Variants in PAK5 observed in about 807,000 individuals in gnomAD.
PAK5 encodes serine/threonine-protein kinase PAK 5.
PAK5 carries 16 observed loss-of-function variants against 65.9 expected under a neutral mutation model. The ratio of observed to expected loss-of-function variants is 0.24; its 90% CI spans 0.16 to 0.37. The LOEUF (loss-of-function observed/expected upper bound fraction) is 0.37. PAK5 is among the 10% of genes least tolerant of loss of function. The pLI is 1.00. For synonymous variants in PAK5, 371 were observed against 354.9 expected, an observed-to-expected ratio of 1.05 and a Z score of -0.51; for missense variants, 785 against 903.9, an observed-to-expected ratio of 0.87 and a Z score of 1.69.
intron 9 of PAK5, among the ~76,000 whole-genome samples, chr20:9,540,660 T>C (rs1179117153): frequency 6.6e-6 from 1 of 152,248 alleles, no homozygotes; most frequent in Admixed American, 6.5e-5. Context: ...GGATTAAAGT[T>C]GTTCTTGTAC....
chr20:9,630,314 C>A (rs1166284585), intron 3 of PAK5, among the ~76,000 whole-genome samples: 1 of 152,104 alleles, frequency 6.6e-6, no homozygotes, highest in Non-Finnish European at 1.5e-5. Context: ...GATCAAAAGA[C>A]AAAACTATGC....
intron 1 of PAK5, among the ~76,000 whole-genome samples, chr20:9,747,410 G>A (rs1209472061): frequency 2.0e-5 from 3 of 151,702 alleles, no homozygotes. Flanking sequence ...CAATATCCTT[G>A]ATGAACATTG....
intron 1 of PAK5, among the ~76,000 whole-genome samples, chr20:9,729,714 T>C (rs2080904903): frequency 6.6e-6 from 1 of 152,166 alleles, no homozygotes; most frequent in African/African-American, 2.4e-5. Flanking sequence ...AAAGAACTCA[T>C]ATATCTATCC....
chr20:9,727,024 T>C (rs902093731), intron 1 of PAK5, among the ~76,000 whole-genome samples: 3 of 152,166 alleles, frequency 2.0e-5, no homozygotes, highest in African/African-American at 7.2e-5. Context: ...TGAAGTTGTA[T>C]GGCCTTTGTT....
At chr20:9,546,760 C>T (rs1799169270) in intron 7 of PAK5, among the ~76,000 whole-genome samples, 1 of 152,122 alleles carries the variant, frequency 6.6e-6, no homozygotes, top group African/African-American at 2.4e-5. Context: ...ATGAGGGCAT[C>T]CCTAGTAGCC....
chr20:9,815,477 AGGTTTG>A (rs1465189103), intron 1 of PAK5, among the ~76,000 whole-genome samples: 2 of 152,076 alleles, frequency 1.3e-5, no homozygotes, highest in Non-Finnish European at 1.5e-5. Context: ...CCATACACTC[AGGTTTG>A]GGCCATCCTC....
intron 5 of PAK5, among the ~76,000 whole-genome samples, chr20:9,564,510 G>T (rs531119546): frequency 2.0e-5 from 3 of 152,120 alleles, no homozygotes; most frequent in Non-Finnish European, 2.9e-5. Flanking sequence ...AAACAGTAAG[G>T]TTTATTCATA....
intron 1 of PAK5, among the ~76,000 whole-genome samples, chr20:9,788,743 T>G (rs2049019143): frequency 6.6e-6 from 1 of 152,158 alleles, no homozygotes; most frequent in South Asian, 2.1e-4. Flanking sequence ...ACCCTCTTCC[T>G]ATTCTTCTTG....
chr20:9,698,921 C>A lies in PAK5; in HGVS notation c.-12+12365G>T, dbSNP rs567003450. On this transcript the variant is annotated intron_variant, in intron 2 of 9. Transcript: ENST00000353224. ...AACAACTGGAAGTTAACAAAATAAC[C>A]ATTTTTAAAATTTTTCCTATCTTTC... Among the ~76,000 whole-genome samples, 10 of 152,266 alleles carry A rather than the reference C, an allele frequency of 6.6e-5. No homozygotes were observed. The East Asian group carries it at 1.9e-3, about 29-fold the overall frequency.
At chr20:9,829,816 G>A (rs1484838302) in intron 1 of PAK5, among the ~76,000 whole-genome samples, 1 of 152,160 alleles carries the variant, frequency 6.6e-6, no homozygotes, top group Non-Finnish European at 1.5e-5. Flanking sequence ...TCATAACAAC[G>A]TAGAAGCCAG....
intron 1 of PAK5, among the ~76,000 whole-genome samples, chr20:9,731,760 C>A (rs917339859): frequency 6.6e-6 from 1 of 152,090 alleles, no homozygotes; most frequent in African/African-American, 2.4e-5. Context: ...GAAATTGGCT[C>A]ATTTGTAACT....
chr20:9,570,635 G>A (rs576952467), intron 4 of PAK5, among the ~76,000 whole-genome samples: 52 of 152,312 alleles, frequency 3.4e-4, no homozygotes, highest in South Asian at 1.7e-3. Flanking sequence ...AGGGTGTGAA[G>A]GGAAATAGTG....
At chr20:9,700,426 T>C (rs764663121) in intron 2 of PAK5, among the ~76,000 whole-genome samples, 5 of 152,094 alleles carry the variant, frequency 3.3e-5, no homozygotes, top group Non-Finnish European at 7.4e-5. Context: ...AAAAGTGTGT[T>C]CTTATTATTG....
chr20:9,721,560 G>A (rs1012869224), intron 1 of PAK5, among the ~76,000 whole-genome samples: 27 of 149,216 alleles, frequency 1.8e-4, no homozygotes, highest in Non-Finnish European at 3.0e-5. Flanking sequence ...GGCTGAGGCA[G>A]GAAAATCGCT....
At chr20:9,783,232 A>T (rs1452575539) in intron 1 of PAK5, among the ~76,000 whole-genome samples, 1 of 152,142 alleles carries the variant, frequency 6.6e-6, no homozygotes, top group Non-Finnish European at 1.5e-5. Flanking sequence ...CACCGCACCC[A>T]GCCAAGTTTG....
chr20:9,546,957 C>T (rs2045354167), intron 7 of PAK5, among the ~76,000 whole-genome samples: 1 of 152,148 alleles, frequency 6.6e-6, no homozygotes, highest in African/African-American at 2.4e-5. Context: ...TTGAATATCT[C>T]CCAGAATTCA....
At chr20:9,768,170 T>A (rs941069937) in intron 1 of PAK5, among the ~76,000 whole-genome samples, 7 of 152,032 alleles carry the variant, frequency 4.6e-5, no homozygotes, top group Admixed American at 6.5e-5. Flanking sequence ...TTTCTTCCTG[T>A]TTAAGTTATA....
chr20:9,781,534 G>A (rs958957763), intron 1 of PAK5, among the ~76,000 whole-genome samples: 3 of 152,162 alleles, frequency 2.0e-5, no homozygotes, highest in Admixed American at 1.3e-4. Context: ...CTAATATCCA[G>A]CAGCCTTCTA....
intron 3 of PAK5, among the ~76,000 whole-genome samples, chr20:9,625,017 G>A (rs1471200491): frequency 2.6e-5 from 4 of 152,128 alleles, no homozygotes; most frequent in African/African-American, 4.8e-5. Flanking sequence ...ACATCTACAA[G>A]TAGCCATTCA....
Sources: gnomAD v4.1 joint callset for allele counts (sites outside exome capture counted in the v4.1 genomes callset) on GRCh38, gnomAD v4.1.1 for gene constraint, MANE v1.5 for transcripts, NCBI Gene and HGNC (gene_info 2026-07-23, HGNC 2026-07-21) for gene names.